The following NFIB variants were observed in gnomAD, a reference collection of about 807,000 sequenced individuals.
NFIB encodes nuclear factor I B.
NFIB carries 11 observed loss-of-function variants against 61.5 expected under a neutral mutation model. The observed-to-expected ratio is 0.18, with a 90% CI of 0.11 to 0.30. The LOEUF is 0.30. Ranked by LOEUF, NFIB falls within the 10% of genes least tolerant of loss-of-function variation. NFIB has a pLI of 1.00. For synonymous variants in NFIB, 260 were observed against 216.5 expected, an observed-to-expected ratio of 1.20 and a Z score of -1.76; for missense variants, 471 against 608.9, an observed-to-expected ratio of 0.77 and a Z score of 2.38.
intron 1 of NFIB, among the ~76,000 whole-genome samples, chr9:14,368,576 G>A (rs2132964195): frequency 6.6e-6 from 1 of 152,272 alleles, no homozygotes; most frequent in East Asian, 1.9e-4. Context: ...GAACTGATAA[G>A]CATTTCTCGA....
the NFIB span, among the ~76,000 whole-genome samples, chr9:14,482,212 C>T: frequency 4.6e-5 from 7 of 152,244 alleles, no homozygotes; most frequent in South Asian, 1.5e-3. Context: ...TGTTAAACTT[C>T]TTTGTCTATA....
intron 2 of NFIB, among the ~76,000 whole-genome samples, chr9:14,225,684 A>T (rs2052307817): frequency 6.6e-6 from 1 of 152,118 alleles, no homozygotes; most frequent in South Asian, 2.1e-4. Context: ...TAAGTTTTCC[A>T]GCATAGGCAT....
chr9:14,223,808 T>C (rs535325424), intron 2 of NFIB, among the ~76,000 whole-genome samples: 2 of 152,286 alleles, frequency 1.3e-5, no homozygotes, highest in South Asian at 4.2e-4. Context: ...GAAATACCTG[T>C]GATTGATAGA....
chr9:14,281,352 G>C (rs1301473390), intron 2 of NFIB, among the ~76,000 whole-genome samples: 1 of 152,142 alleles, frequency 6.6e-6, no homozygotes, highest in Non-Finnish European at 1.5e-5. Context: ...ATTTATAAAG[G>C]AAGGCAAGGA....
chr9:14,316,783 G>A (rs992668804), upstream of NFIB, among the ~76,000 whole-genome samples: 8 of 152,126 alleles, frequency 5.3e-5, no homozygotes, highest in South Asian at 6.2e-4. Flanking sequence ...GAGGGGAGGG[G>A]GTGGGGAAGC....
chr9:14,423,638 T>TC, the NFIB span, among the ~76,000 whole-genome samples: 10 of 152,280 alleles, frequency 6.6e-5, no homozygotes, highest in African/African-American at 2.4e-4. Flanking sequence ...CTCATCTATG[T>TC]CCCTTGAGTT....
At chr9:14,266,393 C>A (rs927458417) in intron 2 of NFIB, among the ~76,000 whole-genome samples, 6 of 152,030 alleles carry the variant, frequency 3.9e-5, no homozygotes, top group Middle Eastern at 3.4e-3. Flanking sequence ...GAGCTCAAGA[C>A]CAGCCTGTGC....
the NFIB span, among the ~76,000 whole-genome samples, chr9:14,518,583 GT>G: frequency 2.6e-5 from 4 of 151,634 alleles, no homozygotes; most frequent in African/African-American, 9.7e-5. Flanking sequence ...TATCTGTTAG[GT>G]CCACCTTCCA....
the NFIB span, among the ~76,000 whole-genome samples, chr9:14,411,360 A>G: frequency 6.6e-6 from 1 of 152,166 alleles, no homozygotes; most frequent in East Asian, 1.9e-4. Context: ...CGATTGATCT[A>G]TTACAGAGGT....
intron 2 of NFIB, among the ~76,000 whole-genome samples, chr9:14,227,220 A>G (rs1324806948): frequency 2.0e-5 from 3 of 152,148 alleles, no homozygotes; most frequent in African/African-American, 7.2e-5. Flanking sequence ...AACTACTACC[A>G]ATTTTAAAAG....
At chr9:14,147,884 C>T (rs1203869494) in intron 5 of NFIB, among the ~76,000 whole-genome samples, 1 of 152,020 alleles carries the variant, frequency 6.6e-6, no homozygotes, top group Non-Finnish European at 1.5e-5. Flanking sequence ...TCAAGCGATC[C>T]TCCCACTTCA....
intron 10 of NFIB, among the ~76,000 whole-genome samples, chr9:14,099,371 C>T (rs533434843): frequency 1.7e-4 from 26 of 152,206 alleles, no homozygotes; most frequent in Non-Finnish European, 3.2e-4. Context: ...CATAGCCATG[C>T]CCTGAAGATT....
intron 4 of NFIB, among the ~76,000 whole-genome samples, chr9:14,151,257 C>T (rs189140310): frequency 2.3e-4 from 35 of 152,208 alleles, no homozygotes; most frequent in Admixed American, 2.3e-3. Context: ...AACTTCTTCC[C>T]TGGTAGACTG....
At chr9:14,179,667 C>A in intron 3 of NFIB, 60 bp downstream of exon 3, 1 of 1,580,508 alleles carries the variant, frequency 6.3e-7, no homozygotes, top group African/African-American at 1.3e-5. Flanking sequence ...TTTATCTATA[C>A]AGTGGTACCT....
At chr9:14,163,623 T>A (rs2044446296) in intron 3 of NFIB, among the ~76,000 whole-genome samples, 1 of 151,978 alleles carries the variant, frequency 6.6e-6, no homozygotes. Context: ...ATGAATACAA[T>A]CTATTAAAAT....
chr9:14,428,684 C>T, the NFIB span, among the ~76,000 whole-genome samples: 2 of 152,184 alleles, frequency 1.3e-5, no homozygotes, highest in South Asian at 2.1e-4. Flanking sequence ...TGCCTCAAAG[C>T]CTTTGAACGT....
intron 2 of NFIB, among the ~76,000 whole-genome samples, chr9:14,305,002 G>T (rs2059944068): frequency 6.6e-6 from 1 of 152,268 alleles, no homozygotes; most frequent in East Asian, 1.9e-4. Context: ...ATAAAATAAT[G>T]AAAAGTTCTT....
chr9:14,371,969 C>A (rs2061362942), intron 1 of NFIB, among the ~76,000 whole-genome samples: 1 of 152,152 alleles, frequency 6.6e-6, no homozygotes, highest in Admixed American at 6.5e-5. Context: ...TCCAATTGGT[C>A]ATGGGGAGGT....
At chr9:14,281,678 G>C (rs1408482010) in intron 2 of NFIB, among the ~76,000 whole-genome samples, 3 of 152,148 alleles carry the variant, frequency 2.0e-5, no homozygotes, top group Non-Finnish European at 2.9e-5. Flanking sequence ...ATATAGTTGT[G>C]TTTTGACATT....
Sources: gnomAD v4.1 joint callset for allele counts (sites outside exome capture counted in the v4.1 genomes callset) on GRCh38, gnomAD v4.1.1 for gene constraint, MANE v1.5 for transcripts, NCBI Gene and HGNC (gene_info 2026-07-23, HGNC 2026-07-21) for gene names.